WDR72: variants seen among roughly 807,000 people sequenced by gnomAD.
WDR72 encodes WD repeat domain 72, also known as WD repeat-containing protein 72.
In WDR72, 120 loss-of-function variants were observed where a neutral mutation model predicts 124.2. The observed-to-expected ratio is 0.97, with a 90% CI of 0.83 to 1.12. The LOEUF is 1.12. Among genes scored for constraint, WDR72 ranks in the 50% most tolerant of loss-of-function variants. The pLI, the probability that WDR72 is intolerant of heterozygous loss-of-function variation, is 0.00. For synonymous variants in WDR72, 452 were observed against 441.7 expected, an observed-to-expected ratio of 1.02 and a Z score of -0.29; for missense variants, 1,387 against 1,278.8, an observed-to-expected ratio of 1.08 and a Z score of -1.29.
intron 1 of WDR72, among the ~76,000 whole-genome samples, chr15:53,735,980 C>T (rs917969261): frequency 6.6e-6 from 1 of 151,446 alleles, no homozygotes; most frequent in Non-Finnish European, 1.5e-5. Context: ...AGAATAGACC[C>T]AAGTGAAGGG....
At chr15:53,667,869 A>G (rs1056215533) in intron 13 of WDR72, among the ~76,000 whole-genome samples, 1 of 152,214 alleles carries the variant, frequency 6.6e-6, no homozygotes, top group East Asian at 1.9e-4. Context: ...CCCAAATACA[A>G]CATTTCTTGT....
chr15:53,761,552 A>G (rs1266431900), upstream of WDR72, among the ~76,000 whole-genome samples: 1 of 152,208 alleles, frequency 6.6e-6, no homozygotes, highest in East Asian at 1.9e-4. Context: ...CTGCATAGGC[A>G]TGGTGGCTCA....
chr15:53,543,533 G>A (rs1265883811), intron 18 of WDR72, among the ~76,000 whole-genome samples: 3 of 150,386 alleles, frequency 2.0e-5, no homozygotes, highest in African/African-American at 7.3e-5. Context: ...ATGCCCACAA[G>A]AGAAAGCAGG....
chr15:53,678,507 C>T (rs917863375), intron 13 of WDR72, among the ~76,000 whole-genome samples: 1 of 152,130 alleles, frequency 6.6e-6, no homozygotes, highest in Non-Finnish European at 1.5e-5. Flanking sequence ...TTCTTACTAT[C>T]ATCCTTATTT....
At chr15:53,753,496 A>G (rs754911947) in intron 1 of WDR72, among the ~76,000 whole-genome samples, 3 of 152,226 alleles carry the variant, frequency 2.0e-5, no homozygotes, top group Non-Finnish European at 4.4e-5. Context: ...GGTTTGGAAA[A>G]AGTGGTAGAG....
chr15:53,574,919 G>C (rs549172233), intron 18 of WDR72, among the ~76,000 whole-genome samples: 1 of 151,340 alleles, frequency 6.6e-6, no homozygotes, highest in Non-Finnish European at 1.5e-5. Flanking sequence ...AACAACTCCC[G>C]TACCAAGCCC....
chr15:53,529,164 A>ATATATATATATATTTTTTTTTTT (rs59003623), intron 18 of WDR72, among the ~76,000 whole-genome samples: 1 of 78,168 alleles, frequency 1.3e-5, no homozygotes, highest in African/African-American at 5.0e-5. Context: ...ATATATATAT[A>ATATATATATATATTTTTTTTTTT]TTTTTTTTTT....
chr15:53,695,173 T>C (rs144351837), intron 13 of WDR72, among the ~76,000 whole-genome samples: 38 of 152,340 alleles, frequency 2.5e-4, no homozygotes, highest in African/African-American at 8.9e-4. Context: ...GTGCAATTAC[T>C]TAATATGGCA....
At chr15:53,632,647 T>G (rs1595807646) in intron 14 of WDR72, among the ~76,000 whole-genome samples, 3 of 152,340 alleles carry the variant, frequency 2.0e-5, no homozygotes, top group Admixed American at 2.0e-4. Context: ...AGAGCAGCTG[T>G]GGGGGCTGAA....
chr15:53,550,915 G>T (rs1595754622), intron 18 of WDR72, among the ~76,000 whole-genome samples: 1 of 152,174 alleles, frequency 6.6e-6, no homozygotes, highest in African/African-American at 2.4e-5. Flanking sequence ...AAACACAAAA[G>T]ATATAAATGA....
At chr15:53,761,656 A>G (rs970353765), upstream of WDR72, among the ~76,000 whole-genome samples, 1 of 152,030 alleles carries the variant, frequency 6.6e-6, no homozygotes, top group African/African-American at 2.4e-5. Flanking sequence ...GGAGACCCCC[A>G]TCTCCACAAA....
chr15:53,729,491 A>AAAAAAAAC (rs1555429130), intron 2 of WDR72, among the ~76,000 whole-genome samples: 1 of 150,664 alleles, frequency 6.6e-6, no homozygotes, highest in African/African-American at 2.4e-5. Context: ...CTAGTGAAAA[A>AAAAAAAAC]AAAACAAAAC....
chr15:53,664,053 A>T (rs534858988), intron 14 of WDR72, among the ~76,000 whole-genome samples: 1 of 152,226 alleles, frequency 6.6e-6, no homozygotes, highest in East Asian at 1.9e-4. Flanking sequence ...GGTGTTCTAA[A>T]TGGAGTCTTA....
chr15:53,557,610 T>C (rs557210820), intron 18 of WDR72, among the ~76,000 whole-genome samples: 1 of 152,092 alleles, frequency 6.6e-6, no homozygotes, highest in East Asian at 1.9e-4. Flanking sequence ...ATGGCACCTT[T>C]TGAGTTCTTG....
chr15:53,561,636 T>C (rs1322929209), intron 18 of WDR72, among the ~76,000 whole-genome samples: 2 of 151,630 alleles, frequency 1.3e-5, no homozygotes, highest in Non-Finnish European at 3.0e-5. Flanking sequence ...CCCAAAAGAG[T>C]AAGAACTAGC....
chr15:53,621,193 G>C (rs997274566), intron 14 of WDR72, among the ~76,000 whole-genome samples: 2 of 151,908 alleles, frequency 1.3e-5, no homozygotes, highest in African/African-American at 4.8e-5. Context: ...ACTGCTGGTG[G>C]GAATGTAAAC....
intron 1 of WDR72, among the ~76,000 whole-genome samples, chr15:53,757,643 A>AAC (rs1567067152): frequency 3.3e-5 from 5 of 149,590 alleles, no homozygotes; most frequent in East Asian, 1.9e-4. Context: ...ACAACAACAA[A>AAC]AAATTAAAAA....
intron 18 of WDR72, among the ~76,000 whole-genome samples, chr15:53,543,411 A>G (rs1350417654): frequency 1.3e-5 from 2 of 152,224 alleles, no homozygotes; most frequent in Non-Finnish European, 2.9e-5. Flanking sequence ...ACATAAGAAA[A>G]TGAAGGTAGA....
intron 11 of WDR72, 112 bp from the exon 12 acceptor site, chr15:53,702,466 A>G: frequency 3.4e-6 from 3 of 879,818 alleles, no homozygotes; most frequent in Non-Finnish European, 5.3e-6. Context: ...TAATTAAAGC[A>G]TGCACTTGGC....
Sources: allele counts gnomAD v4.1 joint callset (sites outside exome capture counted in the v4.1 genomes callset), GRCh38; gene constraint gnomAD v4.1.1; transcripts MANE v1.5; gene names NCBI Gene and HGNC (gene_info 2026-07-23, HGNC 2026-07-21).